Variants in FLVCR1 observed in about 807,000 individuals in gnomAD.
FLVCR1 encodes the protein choline/ethanolamine transporter FLVCR1.
In FLVCR1, 34 loss-of-function variants were observed where a neutral mutation model predicts 53.6. That is an observed-to-expected ratio of 0.63 (90% CI 0.48 to 0.84). The LOEUF (loss-of-function observed/expected upper bound fraction) is 0.84. Ranked by LOEUF, FLVCR1 falls within the 40% of genes least tolerant of loss-of-function variation. FLVCR1 has a pLI of 0.00. For missense variants in FLVCR1, 677 were observed against 696.7 expected, an observed-to-expected ratio of 0.97 and a Z score of 0.32; for synonymous variants, 300 against 286.3, an observed-to-expected ratio of 1.05 and a Z score of -0.48.
At chr1:212,860,808 T>C (rs931746749) in intron 1 of FLVCR1, among the ~76,000 whole-genome samples, 1 of 152,216 alleles carries the variant, frequency 6.6e-6, no homozygotes, top group African/African-American at 2.4e-5. Context: ...AGCTTCAGAC[T>C]CATACAGATA....
At chr1:212,894,928 C>CTTTTTAAAAAAAGA in intron 8 of FLVCR1, 58 bp from the exon 9 acceptor site, 1 of 1,195,172 alleles carries the variant, frequency 8.4e-7, no homozygotes, top group East Asian at 2.3e-5. Context: ...CTTTGAGCTG[C>CTTTTTAAAAAAAGA]TTTTTAAAAA....
At chr1:212,875,562 G>T (rs998416132) in intron 3 of FLVCR1, among the ~76,000 whole-genome samples, 1 of 152,290 alleles carries the variant, frequency 6.6e-6, no homozygotes, top group Non-Finnish European at 1.5e-5. Flanking sequence ...ACTTACTGGG[G>T]CTGGGCACAG....
chr1:212,894,837 T>A, intron 8 of FLVCR1, 149 bp from the exon 9 acceptor site: 1 of 697,178 alleles, frequency 1.4e-6, no homozygotes, highest in Non-Finnish European at 2.7e-6. Flanking sequence ...TTTAGAGAGG[T>A]ACTATTATTT....
At chr1:212,874,324 A>C (rs1171032198) in intron 3 of FLVCR1, among the ~76,000 whole-genome samples, 2 of 152,102 alleles carry the variant, frequency 1.3e-5, no homozygotes, top group East Asian at 3.9e-4. Flanking sequence ...GGAATATTTT[A>C]AAGCAAATCC....
chr1:212,891,276 T>C (rs1233984099), intron 8 of FLVCR1, among the ~76,000 whole-genome samples: 1 of 151,526 alleles, frequency 6.6e-6, no homozygotes, highest in Admixed American at 6.6e-5. Context: ...GCCAGTTTTA[T>C]GGGCACACAC....
chr1:212,865,304 G>T (rs1283743134), intron 2 of FLVCR1, among the ~76,000 whole-genome samples: 1 of 135,282 alleles, frequency 7.4e-6, no homozygotes, highest in East Asian at 2.1e-4. Context: ...AATAGGTCCC[G>T]GTGTGTGATG....
chr1:212,878,791 G>T (rs1377967419), intron 3 of FLVCR1, among the ~76,000 whole-genome samples: 1 of 151,952 alleles, frequency 6.6e-6, no homozygotes, highest in Non-Finnish European at 1.5e-5. Context: ...AGGGAGACCT[G>T]CATCCTAGGC....
intron 3 of FLVCR1, among the ~76,000 whole-genome samples, chr1:212,878,230 C>T (rs373499509): frequency 7.2e-5 from 11 of 152,076 alleles, no homozygotes; most frequent in African/African-American, 2.7e-4. Context: ...AGACCAGGCG[C>T]GGTGGCTCAG....
At chr1:212,880,243 T>G (rs1324188724) in intron 3 of FLVCR1, among the ~76,000 whole-genome samples, 1 of 152,108 alleles carries the variant, frequency 6.6e-6, no homozygotes, top group Non-Finnish European at 1.5e-5. Context: ...GAGCTATAGG[T>G]CTCATCCTTT....
intron 2 of FLVCR1, among the ~76,000 whole-genome samples, chr1:212,865,646 T>C (rs1203093457): frequency 1.3e-5 from 2 of 151,288 alleles, no homozygotes; most frequent in African/African-American, 2.4e-5. Flanking sequence ...CCATGCCAGC[T>C]AATTTTTGTA....
chr1:212,877,762 T>G (rs1664801410), intron 3 of FLVCR1, among the ~76,000 whole-genome samples: 1 of 149,328 alleles, frequency 6.7e-6, no homozygotes, highest in African/African-American at 2.5e-5. Flanking sequence ...CTGAACCTGA[T>G]AAAGCTTATC....
intron 3 of FLVCR1, among the ~76,000 whole-genome samples, chr1:212,879,214 A>T (rs1664853880): frequency 6.6e-6 from 1 of 152,192 alleles, no homozygotes; most frequent in African/African-American, 2.4e-5. Flanking sequence ...TTGTTGAAGG[A>T]ATTATAAGGA....
intron 3 of FLVCR1, among the ~76,000 whole-genome samples, chr1:212,877,446 C>CATGA (rs752692322): frequency 1.3e-4 from 20 of 152,206 alleles, no homozygotes; most frequent in Non-Finnish European, 2.4e-4. Flanking sequence ...ATGTCCTGAC[C>CATGA]TCATGATCTG....
chr1:212,860,350 G>GTTTTTTTTTTTTT lies in FLVCR1; in HGVS notation c.738+1166_738+1178dup, dbSNP rs567270153. ...TATTATAAAGTTTTTTGTGTGTGTG[G>GTTTTTTTTTTTTT]TTTTTTTTTTTTTTTTTTGTAGAAA... On this transcript the variant is annotated intron_variant, in intron 1 of 9. Transcript: ENST00000366971. Among the ~76,000 whole-genome samples, 31 of 85,836 alleles carry GTTTTTTTTTTTTT rather than the reference G, an allele frequency of 3.6e-4. 1 individual carries two copies. Among genetic ancestry groups the GTTTTTTTTTTTTT allele is most frequent in the South Asian group, 1.0e-3 (2 of 1,964 alleles). The allele number at this position is 85,836 out of a possible 152,430, so 56.3% of individuals were successfully genotyped here.
chr1:212,863,844 A>G lies in FLVCR1; in HGVS notation c.858A>G (p.Thr286=), dbSNP rs539066879. The G allele has an allele frequency of 6.2e-7, 1 of 1,613,698 alleles. No homozygotes were observed. The highest frequency in any genetic ancestry group is 1.1e-5 in the South Asian group (1 of 91,070). The change falls in exon 2 of 10, where the codon ACA becomes ACG. Residue 286 remains threonine (T), a synonymous_variant. Coordinates refer to ENST00000366971, the MANE Select transcript of FLVCR1 (RefSeq NM_014053.4). The stretch of plus-strand genomic sequence containing the variant: ...TTTATGGAACATCAGCTGTTGCCAC[A>G]CTTTTATTTATTTTAACAGCAATTG... ...TMFYGTSAVA[T]LLFILTAIAF...
rs747739593 is a variant in FLVCR1 at position 212,859,134 on chromosome 1, TG to T, written c.684del (p.Trp228CysfsTer32). The T allele has an allele frequency of 6.2e-7, 1 of 1,613,920 alleles. No individual in the cohort carries two copies. The highest frequency in any genetic ancestry group is 1.1e-5 in the South Asian group (1 of 91,070). Reference protein sequence around the residue: ...LGLPSRIASVWFGPKEVSTAC... With the variant: ...LGLPSRIASVXFGPKEVSTAC... The stretch of plus-strand genomic sequence containing the variant: ...CTTGCCCTCCCGCATCGCCTCAGTG[TG>T]GTTTGGGCCCAAAGAGGTGTCCACA... On this transcript the variant is annotated frameshift_variant, in exon 1 of 10. Coordinates refer to ENST00000366971, the MANE Select transcript of FLVCR1 (RefSeq NM_014053.4). LOFTEE classifies it high-confidence loss of function.
chr1:212,872,776 C>T lies in FLVCR1; in HGVS notation c.982C>T (p.Leu328=). Reference sequence around the variant, plus strand: ...CTCCTATAAGAAATCAATAAGAAACCTGTTTAAAAACATTCCTTTTGTCCT... The same window carrying T: ...CTCCTATAAGAAATCAATAAGAAACTTGTTTAAAAACATTCCTTTTGTCCT... ...EYSYKKSIRN[L]FKNIPFVLLL... Residue 328 remains leucine (L), a synonymous_variant, in exon 3 of 10, where the codon CTG becomes TTG. Coordinates refer to ENST00000366971, the MANE Select transcript of FLVCR1 (RefSeq NM_014053.4). 6.2e-7 allele frequency: 1 copy of T among 1,613,850 alleles called. No homozygotes were observed. The highest frequency in any genetic ancestry group is 8.5e-7 in the Non-Finnish European group (1 of 1,179,842).
At chr1:212,890,459 C>T (rs1665162367) in intron 8 of FLVCR1, among the ~76,000 whole-genome samples, 1 of 112,118 alleles carries the variant, frequency 8.9e-6, no homozygotes, top group Non-Finnish European at 2.2e-5. Context: ...AGCTAATGAG[C>T]TAAAAAAAAA....
intron 3 of FLVCR1, among the ~76,000 whole-genome samples, chr1:212,878,082 T>C (rs1458908734): frequency 6.6e-6 from 1 of 152,184 alleles, no homozygotes; most frequent in Non-Finnish European, 1.5e-5. Flanking sequence ...TAGCTGCTTT[T>C]GAACTACCAG....
Sources: gnomAD v4.1 joint callset for allele counts (sites outside exome capture counted in the v4.1 genomes callset) on GRCh38, gnomAD v4.1.1 for gene constraint, MANE v1.5 for transcripts, NCBI Gene and HGNC (gene_info 2026-07-23, HGNC 2026-07-21) for gene names.